Variants in LINGO2 observed in about 807,000 individuals in gnomAD.
LINGO2 encodes leucine-rich repeat and immunoglobulin-like domain-containing nogo receptor-interacting protein 2.
LINGO2 carries 14 observed loss-of-function variants against 30.6 expected under a neutral mutation model. That is an observed-to-expected ratio of 0.46 (90% CI 0.30 to 0.72). The LOEUF is 0.72. Ranked by LOEUF, LINGO2 falls within the 30% of genes least tolerant of loss-of-function variation. The probability of loss-of-function intolerance (pLI) is 0.07; values close to 1 mark genes in which losing one functional copy is unlikely to be tolerated. For synonymous variants in LINGO2, 317 were observed against 288.5 expected (o/e 1.10, Z -1.00); for missense variants, 729 against 751.7 (o/e 0.97, Z 0.35).
At chr9:28,529,342 C>G (rs1821143639) in intron 1 of LINGO2, among the ~76,000 whole-genome samples, 1 of 152,092 alleles carries the variant, frequency 6.6e-6, no homozygotes, top group Non-Finnish European at 1.5e-5. Context: ...ATTTAAGGCT[C>G]AGTCACCTAT....
chr9:28,790,433 A>C, the LINGO2 span, among the ~76,000 whole-genome samples: 1 of 141,386 alleles, frequency 7.1e-6, no homozygotes, highest in East Asian at 2.2e-4. Context: ...GGTTCACGCC[A>C]TTCTCCTGCC....
At chr9:27,942,170 C>T in the LINGO2 span, 1 of 152,142 alleles carries the variant, frequency 6.6e-6, no homozygotes, top group Non-Finnish European at 1.5e-5. Flanking sequence ...CTTTATGTAA[C>T]TGGATAGCCT....
the LINGO2 span, among the ~76,000 whole-genome samples, chr9:28,717,875 A>G: frequency 3.9e-5 from 6 of 152,120 alleles, no homozygotes; most frequent in South Asian, 1.0e-3. Flanking sequence ...ATGATAGTCA[A>G]TATATCCTAT....
At chr9:28,639,323 A>G (rs1588006554) in intron 1 of LINGO2, among the ~76,000 whole-genome samples, 1 of 152,112 alleles carries the variant, frequency 6.6e-6, no homozygotes, top group Non-Finnish European at 1.5e-5. Context: ...AGTTCTGTAG[A>G]TGTCTATTAG....
chr9:29,070,267 C>T, the LINGO2 span, among the ~76,000 whole-genome samples: 1 of 152,114 alleles, frequency 6.6e-6, no homozygotes, highest in African/African-American at 2.4e-5. Context: ...CATCACTCTA[C>T]TGCCCAGTTA....
chr9:28,610,379 A>G (rs1230121788), intron 1 of LINGO2, among the ~76,000 whole-genome samples: 1 of 152,138 alleles, frequency 6.6e-6, no homozygotes, highest in African/African-American at 2.4e-5. Context: ...TCATGGGCAC[A>G]TATTTCTATG....
chr9:28,575,102 G>A (rs58271251), intron 1 of LINGO2, among the ~76,000 whole-genome samples: 20,542 of 151,972 alleles, frequency 0.14, 2,055 homozygotes, highest in African/African-American at 0.28. Flanking sequence ...AACCGATGCA[G>A]AAATAAAAAT....
intron 1 of LINGO2, among the ~76,000 whole-genome samples, chr9:28,493,691 C>T (rs2135277629): frequency 6.6e-6 from 1 of 152,266 alleles, no homozygotes. Context: ...TAGGTGTTGT[C>T]TGTGAGGGTG....
At chr9:27,996,875 A>G (rs1166213256) in intron 5 of LINGO2, among the ~76,000 whole-genome samples, 3 of 152,226 alleles carry the variant, frequency 2.0e-5, no homozygotes, top group African/African-American at 4.8e-5. Flanking sequence ...ATAAATATGT[A>G]GAATTAGTAT....
intron 4 of LINGO2, among the ~76,000 whole-genome samples, chr9:28,260,446 A>G (rs1026788286): frequency 5.3e-5 from 8 of 151,850 alleles, no homozygotes; most frequent in South Asian, 2.1e-4. Context: ...ATCCTTCCCT[A>G]AGATACCTAG....
At chr9:28,152,543 G>T (rs1828030183) in intron 4 of LINGO2, among the ~76,000 whole-genome samples, 1 of 151,966 alleles carries the variant, frequency 6.6e-6, no homozygotes, top group East Asian at 1.9e-4. Context: ...CAAGTGGAAT[G>T]AAACAAAAAG....
chr9:28,057,556 TA>T (rs1423258961), intron 4 of LINGO2, among the ~76,000 whole-genome samples: 1 of 147,798 alleles, frequency 6.8e-6, no homozygotes, highest in African/African-American at 2.5e-5. Context: ...TATATAAGTA[TA>T]TATATATACA....
chr9:28,607,777 T>C (rs775111971), intron 1 of LINGO2, among the ~76,000 whole-genome samples: 2 of 152,070 alleles, frequency 1.3e-5, no homozygotes, highest in East Asian at 1.9e-4. Flanking sequence ...CAATTCCTTA[T>C]AGCAATCACT....
chr9:27,955,423 T>C (rs1314636338), intron 5 of LINGO2, among the ~76,000 whole-genome samples: 1 of 152,210 alleles, frequency 6.6e-6, no homozygotes, highest in African/African-American at 2.4e-5. Context: ...CACAATCTGA[T>C]ACAGAACATT....
At chr9:28,460,382 T>C (rs531682398) in intron 2 of LINGO2, among the ~76,000 whole-genome samples, 3 of 152,266 alleles carry the variant, frequency 2.0e-5, no homozygotes, top group African/African-American at 7.2e-5. Context: ...TGCAAAACTA[T>C]CTGAGAACTA....
At chr9:28,298,836 G>A (rs928787144) in intron 3 of LINGO2, among the ~76,000 whole-genome samples, 5 of 152,178 alleles carry the variant, frequency 3.3e-5, no homozygotes, top group African/African-American at 1.2e-4. Flanking sequence ...ATAAATCACT[G>A]TTGTACATTA....
intron 4 of LINGO2, among the ~76,000 whole-genome samples, chr9:28,131,023 C>T (rs1420877049): frequency 6.6e-6 from 1 of 152,074 alleles, no homozygotes; most frequent in East Asian, 1.9e-4. Flanking sequence ...TCCTTAACTT[C>T]TACCATGCTC....
At chr9:28,984,220 A>C in the LINGO2 span, among the ~76,000 whole-genome samples, 2 of 152,128 alleles carry the variant, frequency 1.3e-5, no homozygotes, top group Admixed American at 6.6e-5. Flanking sequence ...ACAGGGAAGA[A>C]TATGTGCTCA....
intron 1 of LINGO2, among the ~76,000 whole-genome samples, chr9:28,575,902 T>A (rs1328021215): frequency 6.7e-6 from 1 of 148,760 alleles, no homozygotes; most frequent in African/African-American, 2.5e-5. Context: ...TGAAAGAGTA[T>A]ATAATTATCC....
Sources: allele counts gnomAD v4.1 joint callset (sites outside exome capture counted in the v4.1 genomes callset), GRCh38; gene constraint gnomAD v4.1.1; transcripts MANE v1.5; gene names NCBI Gene and HGNC (gene_info 2026-07-23, HGNC 2026-07-21).